RNF128: variants seen among roughly 807,000 people sequenced by gnomAD.
The protein encoded by RNF128 is ring finger protein 128.
In RNF128, 13 loss-of-function variants were observed where a neutral mutation model predicts 26.2. The observed-to-expected ratio is 0.50, with a 90% CI of 0.32 to 0.79. The LOEUF is 0.79. Ranked by LOEUF, RNF128 falls within the 30% of genes least tolerant of loss-of-function variation. The probability of loss-of-function intolerance (pLI) is 0.03; values close to 1 mark genes in which losing one functional copy is unlikely to be tolerated. For synonymous variants in RNF128, 149 were observed against 142.5 expected (o/e 1.05, Z -0.32); for missense variants, 315 against 349.7 (o/e 0.90, Z 0.79).
intron 4 of RNF128, 141 bp downstream of exon 4, chrX:106,788,141 T>C (rs1930690424): frequency 5.6e-6 from 2 of 355,666 alleles, no homozygotes; most frequent in South Asian, 1.3e-4. Flanking sequence ...AAATATAGAA[T>C]GGTTTATTTT....
chrX:106,762,893 A>G (rs1930143853), intron 1 of RNF128, among the ~76,000 whole-genome samples: 1 of 109,633 alleles, frequency 9.1e-6, no homozygotes, highest in South Asian at 4.1e-4. Context: ...AGGGAGGAGG[A>G]TGAATACCTA....
intron 1 of RNF128, among the ~76,000 whole-genome samples, chrX:106,744,707 C>T (rs1341679508): frequency 9.0e-6 from 1 of 111,406 alleles, no homozygotes; most frequent in Non-Finnish European, 1.9e-5. Flanking sequence ...GATCCACCCA[C>T]CTCGGCCTCC....
chrX:106,721,307 T>C (rs1394048168), intron 1 of RNF128, among the ~76,000 whole-genome samples: 2 of 111,988 alleles, frequency 1.8e-5, no homozygotes, highest in Non-Finnish European at 3.8e-5. Flanking sequence ...ATACCGTTTG[T>C]CCCAAGTTGT....
intron 1 of RNF128, among the ~76,000 whole-genome samples, chrX:106,706,187 C>T (rs923133096): frequency 9.0e-6 from 1 of 111,240 alleles, no homozygotes; most frequent in Non-Finnish European, 1.9e-5. Flanking sequence ...ATAGCCTTGG[C>T]CAAGGGTAGC....
intron 1 of RNF128, among the ~76,000 whole-genome samples, chrX:106,766,122 A>G (rs1224352172): frequency 8.9e-6 from 1 of 111,891 alleles, no homozygotes; most frequent in African/African-American, 3.2e-5. Context: ...TTATTGAAGG[A>G]CATTTGGGTT....
At chrX:106,741,422 C>T (rs748258674) in intron 1 of RNF128, among the ~76,000 whole-genome samples, 16 of 111,634 alleles carry the variant, frequency 1.4e-4, no homozygotes, top group Non-Finnish European at 3.0e-4. Context: ...CTGAGGTATA[C>T]CAAAGCCCCA....
intron 1 of RNF128, among the ~76,000 whole-genome samples, chrX:106,717,100 G>T (rs1481236115): frequency 9.1e-6 from 1 of 110,255 alleles, no homozygotes; most frequent in African/African-American, 3.3e-5. Flanking sequence ...CTACTCAGGA[G>T]GCTGAGGCAG....
intron 1 of RNF128, among the ~76,000 whole-genome samples, chrX:106,714,896 A>G (rs993448417): frequency 1.8e-5 from 2 of 111,558 alleles, no homozygotes; most frequent in Non-Finnish European, 3.8e-5. Flanking sequence ...CTTTCTTTCT[A>G]TTGCTAAGTG....
intron 1 of RNF128, among the ~76,000 whole-genome samples, chrX:106,706,045 C>A (rs1198514649): frequency 9.0e-6 from 1 of 111,614 alleles, no homozygotes; most frequent in East Asian, 2.8e-4. Flanking sequence ...TAAAGAAGGC[C>A]TACAGAGAAA....
At chrX:106,723,031 A>T (rs1271627065), upstream of RNF128, among the ~76,000 whole-genome samples, 1 of 111,588 alleles carries the variant, frequency 9.0e-6, no homozygotes, top group Non-Finnish European at 1.9e-5. Context: ...CATACAATCC[A>T]TATGATCTCT....
intron 1 of RNF128, among the ~76,000 whole-genome samples, chrX:106,715,254 C>G (rs1172947661): frequency 8.9e-6 from 1 of 111,881 alleles, no homozygotes; most frequent in East Asian, 2.8e-4. Flanking sequence ...GGTAGGTATG[C>G]AGTGATATCA....
intron 1 of RNF128, among the ~76,000 whole-genome samples, chrX:106,706,489 T>C (rs1216286490): frequency 8.9e-6 from 1 of 111,954 alleles, no homozygotes; most frequent in Admixed American, 9.4e-5. Context: ...TAGTTCTATC[T>C]CTGAAACTTC....
rs182435153 is a variant in RNF128, at chrX:106,778,148, G to A, written c.732+4988G>A. Among the ~76,000 whole-genome samples, 84 of 111,096 alleles carry A rather than the reference G, an allele frequency of 7.6e-4. 1 individual carries two copies. Among genetic ancestry groups the A allele is most frequent in the Non-Finnish European group, 2.3e-4 (12 of 53,028 alleles). ...AGACTATTAGTAGTTAAGTTTTGGG[G>A]GTGTCAAAAGCTATATGTGGAGTCT... On this transcript the variant is annotated intron_variant, in intron 2 of 6. Coordinates refer to ENST00000255499, the MANE Select transcript of RNF128 (RefSeq NM_194463.2).
In RNF128 at chrX:106,708,272, T is replaced by C. The variant is rs753225208; in HGVS notation, c.406+13864T>C. Among the ~76,000 whole-genome samples, 4 of 112,046 alleles carry C rather than the reference T, an allele frequency of 3.6e-5. No individual in the cohort carries two copies. The East Asian group carries it at 1.1e-3, about 31-fold the overall frequency. On this transcript the variant is annotated intron_variant, in intron 1 of 6. Transcript: ENST00000324342. ...GACTTCTTTGTAGGCTGTTTCTATA[T>C]AAAGCTCTGGCAGTAGGAACTGCCT...
intron 1 of RNF128, among the ~76,000 whole-genome samples, chrX:106,751,745 A>G (rs1004880171): frequency 1.8e-5 from 2 of 110,530 alleles, no homozygotes; most frequent in Non-Finnish European, 3.8e-5. Context: ...TAGATCCTGG[A>G]TGACATTTCT....
Position 106,709,118 on chromosome X carries a change from C to A in RNF128, c.406+14710C>A, listed in dbSNP as rs187807265. ...CTCCAATTATAGAACTTGCCTACTT[C>A]AAGCAAGTTTTATTAGTATAGTTTC... On this transcript the variant is annotated intron_variant, in intron 1 of 6. Coordinates refer to the RNF128 transcript ENST00000324342. 5.0e-3 allele frequency among the ~76,000 whole-genome samples: 555 copies of A among 111,676 alleles called. 4 individuals carry two copies. Among genetic ancestry groups the A allele is most frequent in the African/African-American group, 0.018 (541 of 30,813 alleles).
chrX:106,702,096 G>A (rs1475816273), intron 1 of RNF128, among the ~76,000 whole-genome samples: 1 of 109,220 alleles, frequency 9.2e-6, no homozygotes, highest in Non-Finnish European at 1.9e-5. Flanking sequence ...ATGCCCAGGT[G>A]CCCCCCTCCC....
chrX:106,729,961 A>G (rs1929474031), intron 1 of RNF128, among the ~76,000 whole-genome samples: 1 of 111,817 alleles, frequency 8.9e-6, no homozygotes, highest in Non-Finnish European at 1.9e-5. Context: ...TTAGTTCATT[A>G]TATATTGCTG....
At chrX:106,736,142 G>C in intron 1 of RNF128, among the ~76,000 whole-genome samples, 1 of 111,368 alleles carries the variant, frequency 9.0e-6, no homozygotes, top group Non-Finnish European at 1.9e-5. Flanking sequence ...CTAGAAAATA[G>C]GAGGAAATTG....
Sources: gnomAD v4.1 joint callset for allele counts (sites outside exome capture counted in the v4.1 genomes callset) on GRCh38, gnomAD v4.1.1 for gene constraint, MANE v1.5 for transcripts, NCBI Gene and HGNC (gene_info 2026-07-23, HGNC 2026-07-21) for gene names.